The following HELZ variants were observed in gnomAD, a reference collection of about 807,000 sequenced individuals.
HELZ encodes ATP-dependent RNA helicase with zinc finger domain.
HELZ carries 23 observed loss-of-function variants against 218.2 expected under a neutral mutation model. The ratio of observed to expected loss-of-function variants is 0.11; its 90% CI spans 0.08 to 0.15. HELZ has a LOEUF of 0.15. HELZ is among the 10% of genes least tolerant of loss of function. The probability of loss-of-function intolerance (pLI) is 1.00; values close to 1 mark genes in which losing one functional copy is unlikely to be tolerated. For synonymous variants in HELZ, 814 were observed against 829.4 expected (o/e 0.98, Z 0.32); for missense variants, 1,813 against 2,353.7 (o/e 0.77, Z 4.75).
chr17:67,169,606 T>G (rs1224666030), intron 13 of HELZ, among the ~76,000 whole-genome samples: 1 of 152,200 alleles, frequency 6.6e-6, no homozygotes, highest in Non-Finnish European at 1.5e-5. Flanking sequence ...AACATTAGTT[T>G]TGGAGGGGAC....
chr17:67,089,668 T>TATATATATAGAGAGAG (rs71293575), intron 31 of HELZ, among the ~76,000 whole-genome samples: 60 of 70,614 alleles, frequency 8.5e-4, no homozygotes, highest in South Asian at 2.0e-3. Flanking sequence ...TATATATATA[T>TATATATATAGAGAGAG]AGAGAGAGAG....
At chr17:67,120,898 G>A (rs574184658) in intron 26 of HELZ, among the ~76,000 whole-genome samples, 2 of 152,238 alleles carry the variant, frequency 1.3e-5, no homozygotes, top group Non-Finnish European at 2.9e-5. Flanking sequence ...TATTCCTTGA[G>A]GCATTAAATC....
chr17:67,190,735 G>C (rs1214005420), intron 9 of HELZ, among the ~76,000 whole-genome samples: 2 of 152,168 alleles, frequency 1.3e-5, no homozygotes, highest in Non-Finnish European at 2.9e-5. Flanking sequence ...TTTTGAGACG[G>C]AGTCTCACTC....
chr17:67,214,510 C>A (rs2040543893), intron 5 of HELZ, among the ~76,000 whole-genome samples: 1 of 151,768 alleles, frequency 6.6e-6, no homozygotes, highest in African/African-American at 2.4e-5. Context: ...AAGTGATCCA[C>A]CCACCTCGGC....
intron 13 of HELZ, among the ~76,000 whole-genome samples, chr17:67,177,075 C>A (rs1567866077): frequency 1.3e-5 from 2 of 151,568 alleles, no homozygotes; most frequent in African/African-American, 4.9e-5. Flanking sequence ...TGGGCTCAAG[C>A]GATTCTCCCA....
chr17:67,082,461 A>G (rs2036224369), intron 32 of HELZ, among the ~76,000 whole-genome samples: 1 of 152,238 alleles, frequency 6.6e-6, no homozygotes, highest in Non-Finnish European at 1.5e-5. Context: ...ACAGCTGTCC[A>G]ATATAACATA....
intron 29 of HELZ, 50 bp downstream of exon 29, chr17:67,109,066 T>C: frequency 7.2e-7 from 1 of 1,388,978 alleles, no homozygotes; most frequent in Non-Finnish European, 9.9e-7. Flanking sequence ...ACAGTCCAAG[T>C]CATGTTAAGT....
At chr17:67,239,651 G>C (rs529813621) in intron 2 of HELZ, 162 bp from the exon 3 acceptor site, 3 of 152,320 alleles carry the variant, frequency 2.0e-5, no homozygotes, top group African/African-American at 4.8e-5. Flanking sequence ...CAAGAGTCTT[G>C]AGATAAGCCT....
At chr17:67,242,621 C>A (rs2041356515) in intron 2 of HELZ, among the ~76,000 whole-genome samples, 1 of 151,028 alleles carries the variant, frequency 6.6e-6, no homozygotes. Context: ...AGGTCTAAGG[C>A]AGGAATATGC....
intron 17 of HELZ, 97 bp downstream of exon 17, chr17:67,160,164 C>T (rs2038956310): frequency 4.1e-6 from 3 of 731,692 alleles, no homozygotes; most frequent in Non-Finnish European, 7.1e-6. Context: ...TGCATAAAGA[C>T]TTTGGTATTT....
chr17:67,148,297 T>C (rs1240945548), intron 20 of HELZ, among the ~76,000 whole-genome samples: 1 of 152,202 alleles, frequency 6.6e-6, no homozygotes, highest in Admixed American at 6.5e-5. Flanking sequence ...CTACATTCGA[T>C]CATACAAGTC....
At chr17:67,228,874 A>G (rs1236503034) in intron 3 of HELZ, among the ~76,000 whole-genome samples, 2 of 152,044 alleles carry the variant, frequency 1.3e-5, no homozygotes, top group Non-Finnish European at 2.9e-5. Flanking sequence ...ATACGCCACC[A>G]CACCAGGCTA....
At position 67,107,216 on chromosome 17, in the gene HELZ, A is replaced by G. The variant is rs927768393; in HGVS notation, c.5194T>C (p.Leu1732=). The part of the protein sequence containing the change: ...HAIGQEPFHP[L]SSRTVSSSSL... ...GAAGAAGATACTGTTCGAGATGACA[A>G]TGGGTGAAATGGCTCTTGACCAATA... is the stretch of plus-strand genomic sequence containing the variant. Residue 1732 remains leucine (L), a synonymous_variant, in exon 31 of 33, where the codon TTG becomes CTG. Coordinates refer to ENST00000358691, the MANE Select transcript of HELZ (RefSeq NM_014877.4). 6.2e-6 allele frequency: 10 copies of G among 1,614,070 alleles called. No individual in the cohort carries two copies. In the African/African-American group the frequency reaches 8.0e-5, roughly 13 times the overall value.
At chr17:67,160,782 T>C (rs2038972633) in intron 16 of HELZ, 115 bp downstream of exon 16, 1 of 734,842 alleles carries the variant, frequency 1.4e-6, no homozygotes, top group African/African-American at 1.8e-5. Flanking sequence ...TTTCTCTTTT[T>C]TTCATGTTTA....
intron 17 of HELZ, among the ~76,000 whole-genome samples, chr17:67,159,923 T>A (rs967938474): frequency 1.3e-5 from 2 of 152,170 alleles, no homozygotes; most frequent in African/African-American, 2.4e-5. Flanking sequence ...GCAAAATATG[T>A]TAGAATTTTT....
chr17:67,166,235 G>T (rs1283404642), intron 15 of HELZ, among the ~76,000 whole-genome samples: 1 of 152,106 alleles, frequency 6.6e-6, no homozygotes, highest in Non-Finnish European at 1.5e-5. Context: ...TTCCTAAATT[G>T]CTTGGCATCC....
chr17:67,191,598 C>A (rs914726305), intron 9 of HELZ, among the ~76,000 whole-genome samples: 2 of 151,696 alleles, frequency 1.3e-5, no homozygotes, highest in African/African-American at 4.8e-5. Context: ...ATTACAGGTG[C>A]CTGCCACCAC....
intron 5 of HELZ, among the ~76,000 whole-genome samples, chr17:67,204,507 T>C (rs1206255011): frequency 6.6e-6 from 1 of 152,186 alleles, no homozygotes; most frequent in African/African-American, 2.4e-5. Flanking sequence ...AGAGTGCTTA[T>C]ATTTATCTTA....
chr17:67,166,499 G>C lies in HELZ; in HGVS notation c.1874C>G (p.Thr625Ser), dbSNP rs777941893. ...VLFPDISMTP[T>S]IPWSPNRQWD... ...GTACCTGTTAGGACTCCATGGTATG[G>C]TGGGAGTCATACTGATGTCTGGAAA... is the stretch of plus-strand genomic sequence containing the variant. The change falls in exon 15 of 33, where the codon ACC becomes AGC. Residue 625 changes from threonine to serine, a missense_variant. Physicochemically the swap from Thr to Ser is moderately conservative, Grantham distance 58 (BLOSUM62 1). This residue lies in a region of HELZ where 714 missense variants were observed against 1,029.2 expected (regional missense o/e 0.69). Transcript: ENST00000358691. The C allele has an allele frequency of 6.2e-7, 1 of 1,612,850 alleles. No individual in the cohort carries two copies. The highest frequency in any genetic ancestry group is 8.5e-7 in the Non-Finnish European group (1 of 1,178,994).
Sources: allele counts gnomAD v4.1 joint callset (sites outside exome capture counted in the v4.1 genomes callset), GRCh38; gene constraint gnomAD v4.1.1; regional missense constraint gnomAD v4.1.1; transcripts MANE v1.5; gene names NCBI Gene and HGNC (gene_info 2026-07-23, HGNC 2026-07-21).